MRTFA: variants seen among roughly 807,000 people sequenced by gnomAD.
MRTFA encodes myocardin-related transcription factor A.
MRTFA carries 20 observed loss-of-function variants against 83.5 expected under a neutral mutation model. The ratio of observed to expected loss-of-function variants is 0.24; its 90% CI spans 0.17 to 0.35. MRTFA has a LOEUF of 0.35. Ranked by LOEUF, MRTFA falls within the 10% of genes least tolerant of loss-of-function variation. The pLI, the probability that MRTFA is intolerant of heterozygous loss-of-function variation, is 1.00. For synonymous variants in MRTFA, 659 were observed against 541.2 expected, an observed-to-expected ratio of 1.22 and a Z score of -3.02; for missense variants, 1,200 against 1,224.7, an observed-to-expected ratio of 0.98 and a Z score of 0.30.
At chr22:40,498,127 G>GT (rs2147215066) in intron 3 of MRTFA, among the ~76,000 whole-genome samples, 1 of 151,724 alleles carries the variant, frequency 6.6e-6, no homozygotes. Context: ...GGGTGACAGA[G>GT]TAAGACCCTG....
At chr22:40,532,377 G>A (rs2055096915) in intron 3 of MRTFA, among the ~76,000 whole-genome samples, 1 of 152,122 alleles carries the variant, frequency 6.6e-6, no homozygotes, top group African/African-American at 2.4e-5. Flanking sequence ...GAATAGACAG[G>A]AAAAATAAAT....
intron 2 of MRTFA, among the ~76,000 whole-genome samples, chr22:40,567,083 G>T (rs2055716591): frequency 6.6e-6 from 1 of 152,144 alleles, no homozygotes; most frequent in South Asian, 2.1e-4. Context: ...CTATCATGAA[G>T]GGTCTTATAA....
rs545169619 is a variant in MRTFA at position 40,550,860 on chromosome 22, T to C, written c.241+1246A>G. Among the ~76,000 whole-genome samples, 51 of 150,598 alleles carry C rather than the reference T, an allele frequency of 3.4e-4. 2 individuals are homozygous for C. The South Asian group carries it at 0.01, about 31-fold the overall frequency. ...TCCATTTTTTCTTTTTTCTTTTTTT[T>C]TTTTTTTTGAGACGGAATTTTGCTC... On this transcript the variant is annotated intron_variant, in intron 3 of 14. Coordinates refer to ENST00000355630, the MANE Select transcript of MRTFA (RefSeq NM_020831.6).
At chr22:40,554,835 T>G (rs951265099) in intron 2 of MRTFA, among the ~76,000 whole-genome samples, 10 of 152,312 alleles carry the variant, frequency 6.6e-5, no homozygotes, top group Admixed American at 6.5e-4. Flanking sequence ...GCATGCAACC[T>G]CAGCGTGGAA....
At chr22:40,414,204 G>A (rs539716113) in intron 14 of MRTFA, among the ~76,000 whole-genome samples, 4 of 152,252 alleles carry the variant, frequency 2.6e-5, no homozygotes, top group Admixed American at 6.5e-5. Context: ...TTGGCCGGGC[G>A]TGGCGGCGGG....
intron 2 of MRTFA, among the ~76,000 whole-genome samples, chr22:40,592,294 T>C (rs2056132769): frequency 6.6e-6 from 1 of 151,098 alleles, no homozygotes; most frequent in African/African-American, 2.4e-5. Context: ...AATTATTTTT[T>C]TTAATTAGCC....
intron 4 of MRTFA, among the ~76,000 whole-genome samples, chr22:40,451,690 G>C (rs914359973): frequency 2.6e-5 from 4 of 152,064 alleles, no homozygotes; most frequent in Non-Finnish European, 4.4e-5. Flanking sequence ...ACATACCAGT[G>C]GTCAAATATT....
intron 1 of MRTFA, among the ~76,000 whole-genome samples, chr22:40,599,679 G>A (rs2056234756): frequency 6.6e-6 from 1 of 152,064 alleles, no homozygotes; most frequent in African/African-American, 2.4e-5. Context: ...CGAGCGGACT[G>A]CTTGAACCCA....
chr22:40,461,186 CAG>C (rs1277351229), intron 4 of MRTFA, among the ~76,000 whole-genome samples: 1 of 102,190 alleles, frequency 9.8e-6, no homozygotes, highest in African/African-American at 4.0e-5. Flanking sequence ...GCCTGGATGA[CAG>C]AGCAAGAACT....
chr22:40,422,234 C>G (rs1026841156), intron 9 of MRTFA, among the ~76,000 whole-genome samples: 2 of 152,004 alleles, frequency 1.3e-5, no homozygotes, highest in Admixed American at 6.5e-5. Flanking sequence ...AAAGCACAAC[C>G]AAGGAGAGGG....
intron 3 of MRTFA, among the ~76,000 whole-genome samples, chr22:40,547,652 G>C (rs1477372872): frequency 2.0e-5 from 3 of 152,064 alleles, no homozygotes; most frequent in Non-Finnish European, 4.4e-5. Flanking sequence ...AGGAGTTCAA[G>C]ACCAGCCTGG....
intron 1 of MRTFA, among the ~76,000 whole-genome samples, chr22:40,604,128 CTT>C (rs959099655): frequency 7.1e-6 from 1 of 140,852 alleles, no homozygotes; most frequent in Non-Finnish European, 1.6e-5. Flanking sequence ...CTGTTAGTTT[CTT>C]TTTTTTTTTT....
At chr22:40,411,992 C>T (rs750559001) in intron 14 of MRTFA, 85 bp from the exon 15 acceptor site, 39 of 1,164,044 alleles carry the variant, frequency 3.4e-5, no homozygotes, top group African/African-American at 3.3e-4. Context: ...GACCCCCCAA[C>T]GTCACACCAT....
intron 3 of MRTFA, among the ~76,000 whole-genome samples, chr22:40,514,645 TG>T (rs1233402038): frequency 3.4e-5 from 4 of 117,124 alleles, no homozygotes; most frequent in East Asian, 8.0e-4. Flanking sequence ...GGGTAATTTT[TG>T]TATGTTTTTT....
rs1195095321 is a variant in MRTFA, at chr22:40,463,151, TG to T, written c.307+69del. 2.3e-5 allele frequency: 30 copies of T among 1,303,296 alleles called. No individual in the cohort carries two copies. In the Admixed American group the frequency reaches 4.7e-4, roughly 20 times the overall value. The allele number at this position is 1,303,296 out of a possible 1,614,324, so 80.7% of individuals were successfully genotyped here. A position where few individuals can be genotyped will look rare whatever the true frequency, so the allele number is the denominator to read the frequency against. On this transcript the variant is annotated intron_variant, in intron 4 of 14. Coordinates refer to ENST00000355630, the MANE Select transcript of MRTFA (RefSeq NM_020831.6). ...CTTGTTTTATGTTAGATGCTTCCCA[TG>T]GCATACTCGGTGAACACAGCCATGT...
intron 1 of MRTFA, among the ~76,000 whole-genome samples, chr22:40,635,433 T>C (rs1039622282): frequency 6.6e-6 from 1 of 152,216 alleles, no homozygotes; most frequent in Admixed American, 6.5e-5. Context: ...CCAGACGTCT[T>C]ATGAGTTTAA....
chr22:40,490,000 T>C (rs1292767285), intron 3 of MRTFA, among the ~76,000 whole-genome samples: 1 of 134,756 alleles, frequency 7.4e-6, no homozygotes, highest in Non-Finnish European at 1.6e-5. Context: ...CAGAAAAGTG[T>C]AGTTAATTGC....
chr22:40,632,836 T>C lies in MRTFA; in HGVS notation c.-84+3642A>G, dbSNP rs187091717. Among the ~76,000 whole-genome samples the C allele has an allele frequency of 2.3e-3, 353 of 152,320 alleles. 1 individual carries two copies. Among genetic ancestry groups the C allele is most frequent in the Non-Finnish European group, 4.1e-3 (276 of 68,028 alleles). ...CTGTGAAAAATAAGAAATGTTGTCT[T>C]AAACACTAACTTTCGAGGTAATCTG... is the stretch of plus-strand genomic sequence containing the variant. On this transcript the variant is annotated intron_variant, in intron 1 of 14. Transcript: ENST00000355630.
chr22:40,429,500 A>C (rs150714662), intron 7 of MRTFA, 106 bp downstream of exon 7: 1 of 1,338,666 alleles, frequency 7.5e-7, no homozygotes, highest in Admixed American at 1.9e-5. Flanking sequence ...CAGGAAGTCA[A>C]AGATTAAGAA....
Sources: gnomAD v4.1 joint callset for allele counts (sites outside exome capture counted in the v4.1 genomes callset) on GRCh38, gnomAD v4.1.1 for gene constraint, MANE v1.5 for transcripts, NCBI Gene and HGNC (gene_info 2026-07-23, HGNC 2026-07-21) for gene names.